The following ANGPT2 variants were observed in gnomAD, a reference collection of about 807,000 sequenced individuals.
The protein encoded by ANGPT2 is angiopoietin 2, also known as angiopoietin-2.
A neutral mutation model predicts 62.9 loss-of-function variants in ANGPT2; 28 were observed. The ratio of observed to expected loss-of-function variants is 0.44; its 90% confidence interval spans 0.33 to 0.61. The LOEUF is 0.61. ANGPT2 is among the 20% of genes least tolerant of loss of function. The probability of loss-of-function intolerance (pLI) is 0.03; values close to 1 mark genes in which losing one functional copy is unlikely to be tolerated. For missense variants in ANGPT2, 727 were observed against 594.9 expected (o/e 1.22, Z -2.31); for synonymous variants, 284 against 207.8 (o/e 1.37, Z -3.15).
Position 6,508,914 on chromosome 8 carries a change from A to C in ANGPT2, c.1327+18T>G, listed in dbSNP as rs754911368. 1.9e-6 allele frequency: 3 copies of C among 1,614,086 alleles called. No individual in the cohort carries two copies. The highest frequency in any genetic ancestry group is 2.5e-6 in the Non-Finnish European group (3 of 1,180,024). On this transcript the variant is annotated intron_variant, in intron 8 of 8. Coordinates refer to ENST00000629816, the MANE Select transcript of ANGPT2 (RefSeq NM_001118887.2). ...ATTCCTTGCCAATACAAATAGGAAG[A>C]CAGAAAGTCATCCCTACCTCCTGTT...
chr8:6,538,411 T>C (rs1017704359), intron 1 of ANGPT2, among the ~76,000 whole-genome samples: 1 of 152,220 alleles, frequency 6.6e-6, no homozygotes, highest in African/African-American at 2.4e-5. Context: ...GGAATCCACA[T>C]GCAAAGCTGG....
At chr8:6,505,555 TTATATA>T (rs1199477988) in intron 8 of ANGPT2, among the ~76,000 whole-genome samples, 1 of 102,006 alleles carries the variant, frequency 9.8e-6, no homozygotes, top group African/African-American at 3.8e-5. Context: ...TATATATACT[TTATATA>T]TGTATATATA....
intron 5 of ANGPT2, 62 bp from the exon 6 acceptor site, chr8:6,514,840 A>T: frequency 7.0e-7 from 1 of 1,418,462 alleles, no homozygotes; most frequent in South Asian, 1.2e-5. Flanking sequence ...TACGTAGCAG[A>T]AGCAGGAGGA....
chr8:6,535,893 A>C (rs1351633608), intron 1 of ANGPT2, among the ~76,000 whole-genome samples: 1 of 71,734 alleles, frequency 1.4e-5, no homozygotes, highest in African/African-American at 4.4e-5. Flanking sequence ...CAAAAAATAC[A>C]AAAAAAAAAA....
At position 6,508,916 on chromosome 8, in the gene ANGPT2, A is replaced by C. The variant is rs370898328; in HGVS notation, c.1327+16T>G. On this transcript the variant is annotated intron_variant, in intron 8 of 8. Transcript: ENST00000629816. The stretch of plus-strand genomic sequence containing the variant: ...TCCTTGCCAATACAAATAGGAAGAC[A>C]GAAAGTCATCCCTACCTCCTGTTAG... The C allele has an allele frequency of 1.9e-6, 3 of 1,614,104 alleles. No individual in the cohort carries two copies. The South Asian group carries it at 3.3e-5, about 18-fold the overall frequency.
chr8:6,518,692 A>G (rs1483515516), intron 5 of ANGPT2, among the ~76,000 whole-genome samples: 1 of 152,176 alleles, frequency 6.6e-6, no homozygotes, highest in Admixed American at 6.5e-5. Flanking sequence ...AGCCTCGAAA[A>G]TTTCCACTTT....
chr8:6,540,006 T>C (rs1342909989), intron 1 of ANGPT2, among the ~76,000 whole-genome samples: 1 of 152,140 alleles, frequency 6.6e-6, no homozygotes, highest in Non-Finnish European at 1.5e-5. Context: ...CCAAGATGTA[T>C]TAGGAAATAA....
In ANGPT2 at chr8:6,499,721, TGTC is replaced by T; in HGVS notation, c.*3377_*3379del. 1 of 751,502 alleles carries T rather than the reference TGTC, an allele frequency of 1.3e-6. No homozygotes were observed. The allele number at this position is 751,502 out of a possible 1,614,324, so 46.6% of individuals were successfully genotyped here. ...CATGAAGATTCTGAAGGGACTTTGT[TGTC>T]TGAGAACACATCTATTTCAGATCTG... On this transcript the variant is annotated 3_prime_UTR_variant, in exon 9 of 9. Coordinates refer to ENST00000629816, the MANE Select transcript of ANGPT2 (RefSeq NM_001118887.2).
intron 2 of ANGPT2, among the ~76,000 whole-genome samples, chr8:6,531,524 T>G (rs778837024): frequency 2.6e-5 from 4 of 152,160 alleles, no homozygotes; most frequent in Non-Finnish European, 5.9e-5. Context: ...ACTCCTGACC[T>G]CAGGTGATCC....
chr8:6,541,224 C>T (rs1363556153), intron 1 of ANGPT2, among the ~76,000 whole-genome samples: 1 of 152,180 alleles, frequency 6.6e-6, no homozygotes, highest in Non-Finnish European at 1.5e-5. Flanking sequence ...TTCCCTGACA[C>T]AGCAGGGGAT....
At chr8:6,515,869 G>A (rs1020209396) in intron 5 of ANGPT2, among the ~76,000 whole-genome samples, 1 of 152,166 alleles carries the variant, frequency 6.6e-6, no homozygotes, top group Non-Finnish European at 1.5e-5. Flanking sequence ...ATCCTAAAGA[G>A]GAGAGCGAAA....
At chr8:6,503,604 ACT>A (rs1812638390) in intron 8 of ANGPT2, among the ~76,000 whole-genome samples, 1 of 150,806 alleles carries the variant, frequency 6.6e-6, no homozygotes, top group African/African-American at 2.4e-5. Context: ...CAGTTGGAAA[ACT>A]CTCCTTCAAC....
intron 1 of ANGPT2, among the ~76,000 whole-genome samples, chr8:6,542,151 T>C (rs1821707786): frequency 6.6e-6 from 1 of 152,222 alleles, no homozygotes; most frequent in African/African-American, 2.4e-5. Flanking sequence ...GTTCTTGCCT[T>C]TCTGAATTTA....
At chr8:6,550,326 G>C (rs1468901434) in intron 1 of ANGPT2, among the ~76,000 whole-genome samples, 4 of 152,164 alleles carry the variant, frequency 2.6e-5, no homozygotes, top group African/African-American at 9.7e-5. Flanking sequence ...TGTGGGTCCT[G>C]GGAGTGAGGC....
At chr8:6,509,228 C>G (rs1814433537) in intron 7 of ANGPT2, among the ~76,000 whole-genome samples, 166 bp from the exon 8 acceptor site, 1 of 152,170 alleles carries the variant, frequency 6.6e-6, no homozygotes, top group Non-Finnish European at 1.5e-5. Flanking sequence ...TAAACAGGAA[C>G]CAACTTATCA....
chr8:6,539,937 C>CTG (rs145698255), intron 1 of ANGPT2, among the ~76,000 whole-genome samples: 3 of 151,862 alleles, frequency 2.0e-5, no homozygotes, highest in Admixed American at 6.6e-5. Flanking sequence ...ATAACCAACC[C>CTG]CTTTCCTACT....
chr8:6,513,383 A>G (rs1586261021), intron 7 of ANGPT2, among the ~76,000 whole-genome samples: 1 of 142,454 alleles, frequency 7.0e-6, no homozygotes, highest in East Asian at 2.1e-4. Context: ...CCCAGGTTGC[A>G]GTGCCGTGGC....
chr8:6,537,934 T>C (rs1289311337), intron 1 of ANGPT2, among the ~76,000 whole-genome samples: 1 of 152,158 alleles, frequency 6.6e-6, no homozygotes, highest in Non-Finnish European at 1.5e-5. Flanking sequence ...CTAATTAGTT[T>C]TTGTCCATCT....
intron 8 of ANGPT2, among the ~76,000 whole-genome samples, chr8:6,504,391 T>G (rs1218328537): frequency 6.6e-5 from 10 of 151,612 alleles, no homozygotes; most frequent in African/African-American, 2.4e-4. Flanking sequence ...TAAAATCTCC[T>G]GATGCCCACT....
Sources: allele counts gnomAD v4.1 joint callset (sites outside exome capture counted in the v4.1 genomes callset), GRCh38; gene constraint gnomAD v4.1.1; transcripts MANE v1.5; gene names NCBI Gene and HGNC (gene_info 2026-07-23, HGNC 2026-07-21).